Variants in GRID2 observed in about 807,000 individuals in gnomAD.
The protein encoded by GRID2 is glutamate ionotropic receptor delta type subunit 2.
A neutral mutation model predicts 114.8 loss-of-function variants in GRID2; 33 were observed. The observed-to-expected ratio is 0.29, with a 90% confidence interval of 0.22 to 0.38. The LOEUF is 0.38. Among genes scored for constraint, GRID2 ranks in the 10% least tolerant of loss-of-function variants. The pLI is 1.00. For missense variants in GRID2, 1,184 were observed against 1,257.7 expected (o/e 0.94, Z 0.89); for synonymous variants, 505 against 449.9 (o/e 1.12, Z -1.55).
intron 2 of GRID2, among the ~76,000 whole-genome samples, chr4:92,945,280 T>G (rs1751539475): frequency 6.6e-6 from 1 of 152,166 alleles, no homozygotes; most frequent in Non-Finnish European, 1.5e-5. Flanking sequence ...TTGAAAGTAA[T>G]TTTCTCTCAG....
intron 2 of GRID2, among the ~76,000 whole-genome samples, chr4:92,610,212 C>T (rs573209464): frequency 6.6e-5 from 10 of 151,544 alleles, no homozygotes; most frequent in South Asian, 2.1e-4. Flanking sequence ...GGAATATTTA[C>T]GTTGCTGGGA....
At chr4:92,689,199 C>G (rs187735155) in intron 2 of GRID2, among the ~76,000 whole-genome samples, 3 of 152,252 alleles carry the variant, frequency 2.0e-5, no homozygotes. Flanking sequence ...TTCTTAAGAG[C>G]TAGGATTTTC....
rs547840076 is a variant in GRID2 at position 93,316,618 on chromosome 4, C to A, written c.1245+78128C>A. Among the ~76,000 whole-genome samples the A allele has an allele frequency of 2.7e-3, 414 of 152,180 alleles. 1 individual carries two copies. The highest frequency in any genetic ancestry group is 9.1e-3 in the African/African-American group (378 of 41,534). On this transcript the variant is annotated intron_variant, in intron 8 of 15. Coordinates refer to ENST00000282020, the MANE Select transcript of GRID2 (RefSeq NM_001510.4). Reference sequence around the variant, plus strand: ...CTCTGATGGAAAAAGCATTTAAAGGCAGAATTCACATTCCTTAAAAGGACA... The same window carrying A: ...CTCTGATGGAAAAAGCATTTAAAGGAAGAATTCACATTCCTTAAAAGGACA...
At chr4:93,199,429 C>A (rs1342360687) in intron 4 of GRID2, among the ~76,000 whole-genome samples, 7 of 152,162 alleles carry the variant, frequency 4.6e-5, no homozygotes, top group African/African-American at 1.7e-4. Context: ...GAGCAGGTAG[C>A]ACAGTGTTGG....
intron 2 of GRID2, among the ~76,000 whole-genome samples, chr4:92,648,251 A>G (rs1209377009): frequency 6.7e-6 from 1 of 149,860 alleles, no homozygotes; most frequent in Non-Finnish European, 1.5e-5. Context: ...TTTTGAATAC[A>G]TTTAAATAAA....
intron 2 of GRID2, among the ~76,000 whole-genome samples, chr4:92,792,517 T>C (rs1291389976): frequency 1.3e-5 from 2 of 150,122 alleles, no homozygotes; most frequent in African/African-American, 5.0e-5. Context: ...TCACTCTCTC[T>C]CTCCCTTTCT....
intron 9 of GRID2, among the ~76,000 whole-genome samples, chr4:93,419,992 G>T (rs1175353197): frequency 6.6e-6 from 1 of 152,062 alleles, no homozygotes; most frequent in Non-Finnish European, 1.5e-5. Context: ...TCATATCGAA[G>T]AGTGTTATTC....
intron 1 of GRID2, among the ~76,000 whole-genome samples, chr4:92,377,950 C>A (rs1024523589): frequency 6.6e-6 from 1 of 152,074 alleles, no homozygotes; most frequent in African/African-American, 2.4e-5. Context: ...CCCAATATTT[C>A]AACGTATGTG....
At chr4:92,522,384 T>A (rs950825935) in intron 1 of GRID2, among the ~76,000 whole-genome samples, 6 of 151,900 alleles carry the variant, frequency 3.9e-5, no homozygotes, top group Non-Finnish European at 5.9e-5. Flanking sequence ...TATAAGCCAT[T>A]GTGACAACTT....
intron 14 of GRID2, among the ~76,000 whole-genome samples, chr4:93,637,562 T>C (rs1299369720): frequency 6.6e-6 from 1 of 152,190 alleles, no homozygotes. Flanking sequence ...TTGGGCATTT[T>C]AGTTTAAATG....
intron 2 of GRID2, among the ~76,000 whole-genome samples, chr4:92,661,687 T>G (rs564535574): frequency 6.9e-4 from 104 of 151,162 alleles, no homozygotes; most frequent in African/African-American, 2.3e-3. Flanking sequence ...CATTTAAATT[T>G]TATTGTTATT....
chr4:93,502,441 T>A (rs947022447), intron 12 of GRID2, among the ~76,000 whole-genome samples: 1 of 151,958 alleles, frequency 6.6e-6, no homozygotes, highest in Non-Finnish European at 1.5e-5. Context: ...AAAACCTGAA[T>A]AACAGATATC....
Position 92,700,275 on chromosome 4 carries a change from T to G in GRID2, c.244+109989T>G, listed in dbSNP as rs149563093. ...CGATATATTGAAGCAACCCAATGTA[T>G]GCATTCATAGGTCTCTCCTTGTCAT... is the stretch of plus-strand genomic sequence containing the variant. On this transcript the variant is annotated intron_variant, in intron 2 of 15. Coordinates refer to ENST00000282020, the MANE Select transcript of GRID2 (RefSeq NM_001510.4). Among the ~76,000 whole-genome samples, 682 of 152,314 alleles carry G rather than the reference T, an allele frequency of 4.5e-3. 4 individuals carry two copies. Among genetic ancestry groups the G allele is most frequent in the African/African-American group, 0.016 (662 of 41,568 alleles).
intron 8 of GRID2, among the ~76,000 whole-genome samples, chr4:93,256,944 A>G (rs1749661931): frequency 6.6e-6 from 1 of 152,032 alleles, no homozygotes; most frequent in Admixed American, 6.6e-5. Context: ...GAGGATTGTG[A>G]CATACTTTTA....
intron 2 of GRID2, among the ~76,000 whole-genome samples, chr4:92,762,459 AAC>A (rs1453083978): frequency 2.0e-5 from 3 of 151,584 alleles, no homozygotes; most frequent in East Asian, 2.0e-4. Flanking sequence ...AAAAAAAAAA[AAC>A]ATTTTATTGT....
intron 8 of GRID2, chr4:93,282,517 C>T: frequency 7.7e-6 from 2 of 261,354 alleles, no homozygotes; most frequent in South Asian, 7.6e-5. Flanking sequence ...ATCCTTTTAT[C>T]AGGAAACTAC....
intron 1 of GRID2, among the ~76,000 whole-genome samples, chr4:92,532,265 T>G (rs1284640047): frequency 1.3e-5 from 2 of 152,158 alleles, no homozygotes; most frequent in Non-Finnish European, 2.9e-5. Context: ...GATCACAGTT[T>G]GTGTTGTAAT....
At chr4:92,533,837 C>T (rs984206749) in intron 1 of GRID2, among the ~76,000 whole-genome samples, 2 of 151,968 alleles carry the variant, frequency 1.3e-5, no homozygotes, top group African/African-American at 4.8e-5. Context: ...CCACAATCAG[C>T]AGACTTAATA....
At chr4:93,234,591 A>G (rs1050616113) in intron 7 of GRID2, among the ~76,000 whole-genome samples, 1 of 151,266 alleles carries the variant, frequency 6.6e-6, no homozygotes, top group Admixed American at 6.6e-5. Flanking sequence ...TTACATGGCA[A>G]CTCAAATTTT....
Sources: allele counts gnomAD v4.1 joint callset (sites outside exome capture counted in the v4.1 genomes callset), GRCh38; gene constraint gnomAD v4.1.1; transcripts MANE v1.5; gene names NCBI Gene and HGNC (gene_info 2026-07-23, HGNC 2026-07-21).